The following FABP6 variants were observed in gnomAD, a reference collection of about 807,000 sequenced individuals.
FABP6 encodes gastrotropin.
FABP6 carries 13 observed loss-of-function variants against 14.9 expected under a neutral mutation model. That is an observed-to-expected ratio of 0.87 (90% confidence interval 0.57 to 1.39). The LOEUF is 1.39. Among genes scored for constraint, FABP6 ranks in the 40% most tolerant of loss-of-function variants. The pLI is 0.00. For synonymous variants in FABP6, 75 were observed against 63.6 expected, an observed-to-expected ratio of 1.18 and a Z score of -0.85; for missense variants, 161 against 167.2, an observed-to-expected ratio of 0.96 and a Z score of 0.20.
At chr5:160,229,758 TTTGTTGAG>T in intron 1 of FABP6, 134 bp downstream of exon 1, 1 of 704,944 alleles carries the variant, frequency 1.4e-6, no homozygotes, top group Non-Finnish European at 2.4e-6. Flanking sequence ...CATTCACACA[TTTGTTGAG>T]CAACTGCTTT....
chr5:160,213,687 C>A (rs753325162), intron 2 of FABP6: 1 of 1,515,892 alleles, frequency 6.6e-7, no homozygotes, highest in Non-Finnish European at 9.2e-7. Context: ...ACCAGAGATG[C>A]CCACTTGACT....
At position 160,190,207 on chromosome 5, in the gene FABP6, T is replaced by A. The variant is rs765223576; in HGVS notation, c.-59+2753T>A. 1.3e-3 allele frequency among the ~76,000 whole-genome samples: 195 copies of A among 152,190 alleles called. 3 individuals carry two copies. The highest frequency in any genetic ancestry group is 3.8e-4 in the Non-Finnish European group (26 of 68,030). On this transcript the variant is annotated intron_variant, in intron 1 of 6. Transcript: ENST00000393980. ...AAGGGACAAGAATTAACACCTTCTA[T>A]GTGCAACTGTCATCGTGTCGTAGCT...
chr5:160,216,224 T>C (rs762258902), intron 3 of FABP6, among the ~76,000 whole-genome samples: 6 of 152,148 alleles, frequency 3.9e-5, no homozygotes, highest in Non-Finnish European at 8.8e-5. Context: ...TAAGTACTTA[T>C]TGAGTGAATG....
In FABP6 at chr5:160,238,715, CA is replaced by C. The variant is rs1760574672; in HGVS notation, c.*57del. The C allele has an allele frequency of 6.4e-7, 1 of 1,557,552 alleles. No individual in the cohort carries two copies. The highest frequency in any genetic ancestry group is 8.9e-7 in the Non-Finnish European group (1 of 1,129,158). ...CCCACCAATAAAACTGATATAAGGA[CA>C]GACGCTGCTCGCTCCAGAACCTCTT... On this transcript the variant is annotated 3_prime_UTR_variant, in exon 4 of 4. Transcript: ENST00000402432.
chr5:160,194,548 TTAAA>T (rs1759472489), intron 1 of FABP6, among the ~76,000 whole-genome samples: 1 of 151,686 alleles, frequency 6.6e-6, no homozygotes, highest in Admixed American at 6.6e-5. Context: ...CTCAAAAAAA[TTAAA>T]TAAATAAAAA....
intron 2 of FABP6, among the ~76,000 whole-genome samples, chr5:160,212,303 C>T (rs1406231718): frequency 6.6e-6 from 1 of 151,874 alleles, no homozygotes; most frequent in Admixed American, 6.6e-5. Flanking sequence ...TACAGGCACC[C>T]GCCACCATGC....
In FABP6 at chr5:160,238,709, T is replaced by C. The variant is rs1401737485; in HGVS notation, c.*50T>C. On this transcript the variant is annotated 3_prime_UTR_variant, in exon 4 of 4. Transcript: ENST00000402432. ...TACAAACCCACCAATAAAACTGATA[T>C]AAGGACAGACGCTGCTCGCTCCAGA... 1.9e-6 allele frequency: 3 copies of C among 1,574,650 alleles called. No homozygotes were observed. Among genetic ancestry groups the C allele is most frequent in the African/African-American group, 1.3e-5 (1 of 74,268 alleles).
chr5:160,203,703 C>CTT (rs11313636), intron 2 of FABP6, among the ~76,000 whole-genome samples: 5 of 142,602 alleles, frequency 3.5e-5, no homozygotes, highest in Admixed American at 7.1e-5. Flanking sequence ...TATTATATTT[C>CTT]TTTTTTTTTT....
At chr5:160,200,435 G>A (rs1354682055) in intron 2 of FABP6, among the ~76,000 whole-genome samples, 6 of 149,248 alleles carry the variant, frequency 4.0e-5, no homozygotes, top group Admixed American at 2.7e-4. Context: ...TTTTTGAGGC[G>A]GAGTCTCCCT....
chr5:160,236,149 G>A (rs1760511079), intron 3 of FABP6, among the ~76,000 whole-genome samples: 1 of 151,766 alleles, frequency 6.6e-6, no homozygotes, highest in Non-Finnish European at 1.5e-5. Context: ...CCAAGTAGCT[G>A]GGATTACAGG....
Position 160,238,588 on chromosome 5 carries a change from C to T in FABP6, c.334-18C>T. ...GGGGTGGGGCACTGACTCCCTCTGT[C>T]CCGGCTGCTTCTTTCAGGTCTCCAC... On this transcript the variant is annotated intron_variant, in intron 3 of 3. Coordinates refer to ENST00000402432, the MANE Select transcript of FABP6 (RefSeq NM_001445.3). The T allele has an allele frequency of 6.2e-7, 1 of 1,613,522 alleles. No individual in the cohort carries two copies. The highest frequency in any genetic ancestry group is 8.5e-7 in the Non-Finnish European group (1 of 1,179,500).
At chr5:160,216,129 G>A (rs536521571) in intron 3 of FABP6, among the ~76,000 whole-genome samples, 5 of 152,294 alleles carry the variant, frequency 3.3e-5, no homozygotes, top group South Asian at 4.1e-4. Context: ...GATGAGCTGC[G>A]AAGCTGGAAG....
chr5:160,193,861 GTGGA>G (rs1212970502), intron 1 of FABP6, among the ~76,000 whole-genome samples: 1 of 152,268 alleles, frequency 6.6e-6, no homozygotes, highest in Admixed American at 6.5e-5. Context: ...AGGGTTGCAG[GTGGA>G]GCTGCCTGCC....
At chr5:160,208,377 G>C (rs1759813324) in intron 2 of FABP6, among the ~76,000 whole-genome samples, 2 of 152,044 alleles carry the variant, frequency 1.3e-5, no homozygotes, top group Admixed American at 1.3e-4. Flanking sequence ...GTTTGAGGCT[G>C]TTGTGAGCTA....
chr5:160,190,669 C>T (rs1759376552), intron 1 of FABP6, among the ~76,000 whole-genome samples: 2 of 152,202 alleles, frequency 1.3e-5, no homozygotes, highest in Non-Finnish European at 2.9e-5. Context: ...GGCCCTAAGT[C>T]TAGGAGCCCT....
chr5:160,229,608 G>A lies in FABP6; in HGVS notation c.51G>A (p.Glu17=), dbSNP rs773994186. 2 of 1,613,904 alleles carry A rather than the reference G, an allele frequency of 1.2e-6. No homozygotes were observed. The highest frequency in any genetic ancestry group is 1.7e-6 in the Non-Finnish European group (2 of 1,179,888). The change falls in exon 1 of 4, where the codon GAG becomes GAA. Residue 17 remains glutamate (E), a synonymous_variant. Coordinates refer to ENST00000402432, the MANE Select transcript of FABP6 (RefSeq NM_001445.3). The part of the protein sequence containing the change: ...FEMESEKNYD[E]FMKLLGISSD... ...TGGAGAGTGAGAAGAATTATGATGA[G>A]TTCATGAAGCTCCTTGGTGAGTGAG...
At chr5:160,233,243 G>A (rs1760431665) in intron 2 of FABP6, among the ~76,000 whole-genome samples, 1 of 151,850 alleles carries the variant, frequency 6.6e-6, no homozygotes, top group Non-Finnish European at 1.5e-5. Flanking sequence ...ACCTCCTAAA[G>A]TGCTGGGATT....
At chr5:160,235,222 G>A (rs35956344) in intron 3 of FABP6, among the ~76,000 whole-genome samples, 22 of 152,240 alleles carry the variant, frequency 1.4e-4, no homozygotes, top group African/African-American at 4.3e-4. Context: ...TCTGGGACAC[G>A]AGACTGGAAG....
chr5:160,208,392 C>T (rs541171436), intron 2 of FABP6, among the ~76,000 whole-genome samples: 1 of 152,076 alleles, frequency 6.6e-6, no homozygotes, highest in East Asian at 1.9e-4. Context: ...GAGCTAAAAT[C>T]ATGCCACTGC....
Sources: allele counts gnomAD v4.1 joint callset (sites outside exome capture counted in the v4.1 genomes callset), GRCh38; gene constraint gnomAD v4.1.1; transcripts MANE v1.5; gene names NCBI Gene and HGNC (gene_info 2026-07-23, HGNC 2026-07-21).